The following HPSE2 variants were observed in gnomAD, a reference collection of about 807,000 sequenced individuals.
The protein encoded by HPSE2 is inactive heparanase-2.
In HPSE2, 38 loss-of-function variants were observed where a neutral mutation model predicts 60.5. The ratio of observed to expected loss-of-function variants is 0.63; its 90% CI spans 0.48 to 0.82. HPSE2 has a LOEUF of 0.82. HPSE2 is among the 40% of genes least tolerant of loss of function. The probability of loss-of-function intolerance (pLI) is 0.00; values close to 1 mark genes in which losing one functional copy is unlikely to be tolerated. For missense variants in HPSE2, 713 were observed against 740.4 expected (o/e 0.96, Z 0.43); for synonymous variants, 295 against 293.2 (o/e 1.01, Z -0.06).
chr10:98,605,650 A>G (rs1053953619), intron 9 of HPSE2, among the ~76,000 whole-genome samples: 3 of 152,180 alleles, frequency 2.0e-5, no homozygotes, highest in Non-Finnish European at 4.4e-5. Context: ...AGTGAGATAC[A>G]CCACTATTAT....
At chr10:99,257,877 G>A in the HPSE2 span, among the ~76,000 whole-genome samples, 1 of 152,008 alleles carries the variant, frequency 6.6e-6, no homozygotes. Flanking sequence ...TCTCTATTTT[G>A]TACTCTGTCC....
intron 9 of HPSE2, among the ~76,000 whole-genome samples, chr10:98,598,149 T>A (rs1235444378): frequency 6.6e-6 from 1 of 152,162 alleles, no homozygotes; most frequent in Non-Finnish European, 1.5e-5. Flanking sequence ...TTTTTATATG[T>A]TACCTGTTGC....
chr10:99,010,491 A>G (rs1232760200), intron 3 of HPSE2, among the ~76,000 whole-genome samples: 1 of 152,200 alleles, frequency 6.6e-6, no homozygotes, highest in African/African-American at 2.4e-5. Context: ...AGAAATTTTA[A>G]GAGAGGCAGT....
chr10:98,623,506 T>C (rs1319288398), intron 7 of HPSE2, among the ~76,000 whole-genome samples: 2 of 152,148 alleles, frequency 1.3e-5, no homozygotes, highest in East Asian at 3.9e-4. Context: ...GAATTATATC[T>C]CAGTAAATAA....
intron 3 of HPSE2, among the ~76,000 whole-genome samples, chr10:98,810,205 A>G (rs879415012): frequency 2.0e-5 from 3 of 152,086 alleles, no homozygotes; most frequent in Admixed American, 6.6e-5. Flanking sequence ...AACACTTGTC[A>G]TACTCTACCG....
chr10:98,946,793 C>G (rs1955198184), intron 3 of HPSE2, among the ~76,000 whole-genome samples: 1 of 151,966 alleles, frequency 6.6e-6, no homozygotes, highest in Middle Eastern at 3.2e-3. Context: ...ATCTATTGTA[C>G]TATGGTAATA....
chr10:99,231,218 T>G (rs1410025263), intron 2 of HPSE2, among the ~76,000 whole-genome samples: 5 of 152,176 alleles, frequency 3.3e-5, no homozygotes, highest in Non-Finnish European at 7.3e-5. Context: ...TACTTTTCAA[T>G]GAAGGCCCAA....
chr10:98,920,062 T>C (rs1232228836), intron 3 of HPSE2, among the ~76,000 whole-genome samples: 1 of 152,138 alleles, frequency 6.6e-6, no homozygotes, highest in Non-Finnish European at 1.5e-5. Context: ...TTTAGATCCA[T>C]TGCAGTGTTC....
intron 3 of HPSE2, among the ~76,000 whole-genome samples, chr10:98,814,896 A>G (rs1184599267): frequency 1.3e-5 from 2 of 152,236 alleles, no homozygotes; most frequent in African/African-American, 4.8e-5. Context: ...AAAAACACTC[A>G]AGAGATTTCC....
Position 98,459,656 on chromosome 10 carries a change from C to T in HPSE2, c.1697G>A (p.Gly566Asp), listed in dbSNP as rs772275799. 1 of 1,614,160 alleles carries T rather than the reference C, an allele frequency of 6.2e-7. No individual in the cohort carries two copies. The highest frequency in any genetic ancestry group is 8.5e-7 in the Non-Finnish European group (1 of 1,180,034). The change falls in exon 12 of 12, where the codon GGC (glycine) becomes GAC (aspartate). Residue 566 changes from glycine to aspartate, a missense_variant. By Grantham distance (94) the Gly-to-Asp change is moderately conservative. Transcript: ENST00000370552. ...GACTGGAGGGATGACCAATGTCCGG[C>T]CGGCCCGAAGGGGGCGGGGCTTCAA... ...PELKPRPLRAGRTLVIPPVTM... is the reference protein window; with the variant it reads ...PELKPRPLRADRTLVIPPVTM...
chr10:98,850,076 C>A (rs1217155629), intron 3 of HPSE2, among the ~76,000 whole-genome samples: 2 of 152,070 alleles, frequency 1.3e-5, no homozygotes, highest in African/African-American at 2.4e-5. Flanking sequence ...ATAAGAAAAT[C>A]AAATTCAAAA....
chr10:98,553,971 C>G (rs1943933105), intron 9 of HPSE2, among the ~76,000 whole-genome samples: 1 of 152,180 alleles, frequency 6.6e-6, no homozygotes, highest in Non-Finnish European at 1.5e-5. Flanking sequence ...AGTACTCTCT[C>G]CTCCATAGAG....
chr10:98,789,308 T>C (rs545580434), intron 3 of HPSE2, among the ~76,000 whole-genome samples: 1 of 152,328 alleles, frequency 6.6e-6, no homozygotes, highest in Non-Finnish European at 1.5e-5. Context: ...TGGGACACAT[T>C]AACATAGTTG....
At chr10:99,254,197 T>C in the HPSE2 span, among the ~76,000 whole-genome samples, 6 of 152,078 alleles carry the variant, frequency 3.9e-5, 1 homozygote, top group East Asian at 7.7e-4. Flanking sequence ...ATAAAGAAAA[T>C]GTGGTACAGA....
chr10:99,124,578 G>A lies in HPSE2; in HGVS notation c.610+19660C>T, dbSNP rs117780642. 4.5e-4 allele frequency among the ~76,000 whole-genome samples: 68 copies of A among 152,380 alleles called. No homozygotes were observed. The East Asian group carries it at 0.013, about 28-fold the overall frequency. ...CCAAAGTCCAGAGGGGGCCAAGGCA[G>A]CAGGGGACTGGTGTGTCAGCACTGC... On this transcript the variant is annotated intron_variant, in intron 3 of 11. Transcript: ENST00000370552.
intron 3 of HPSE2, among the ~76,000 whole-genome samples, chr10:98,801,558 A>G (rs1321672408): frequency 6.6e-6 from 1 of 152,156 alleles, no homozygotes. Context: ...GTCAACAGTG[A>G]ACAATATGAA....
the HPSE2 span, among the ~76,000 whole-genome samples, chr10:99,304,101 G>A: frequency 6.6e-6 from 1 of 152,200 alleles, no homozygotes; most frequent in Admixed American, 6.5e-5. Context: ...TTAAGATTAA[G>A]GAGGAGTATC....
intron 4 of HPSE2, among the ~76,000 whole-genome samples, chr10:98,730,715 TA>T (rs1053024324): frequency 6.6e-6 from 1 of 152,106 alleles, no homozygotes; most frequent in Non-Finnish European, 1.5e-5. Context: ...AATAAAATGG[TA>T]AATTTTTTTA....
At chr10:99,121,308 G>A (rs534621712) in intron 3 of HPSE2, among the ~76,000 whole-genome samples, 1 of 152,124 alleles carries the variant, frequency 6.6e-6, no homozygotes, top group Non-Finnish European at 1.5e-5. Context: ...GAGGGTGGGA[G>A]GAGGGAGAGG....
Sources: allele counts gnomAD v4.1 joint callset (sites outside exome capture counted in the v4.1 genomes callset), GRCh38; gene constraint gnomAD v4.1.1; transcripts MANE v1.5; gene names NCBI Gene and HGNC (gene_info 2026-07-23, HGNC 2026-07-21).